MACROD2: variants seen among roughly 807,000 people sequenced by gnomAD.
MACROD2 encodes ADP-ribose glycohydrolase MACROD2.
Under a neutral mutation model 70.4 loss-of-function variants are expected in MACROD2, and 36 were observed. The ratio of observed to expected loss-of-function variants is 0.51; its 90% CI spans 0.39 to 0.68. The LOEUF (loss-of-function observed/expected upper bound fraction) is 0.68, where lower values mean the gene tolerates loss of function less well. MACROD2 is among the 30% of genes least tolerant of loss of function. MACROD2 has a pLI of 0.00. For missense variants in MACROD2, 496 were observed against 538.4 expected, an observed-to-expected ratio of 0.92 and a Z score of 0.78; for synonymous variants, 172 against 178.8, an observed-to-expected ratio of 0.96 and a Z score of 0.30.
chr20:14,491,854 G>A (rs2084798851), intron 3 of MACROD2, among the ~76,000 whole-genome samples: 1 of 152,170 alleles, frequency 6.6e-6, no homozygotes, highest in African/African-American at 2.4e-5. Context: ...TGGAGTCCCA[G>A]GGAACTGGAA....
intron 8 of MACROD2, among the ~76,000 whole-genome samples, chr20:15,532,017 C>CT (rs2047809968): frequency 6.6e-6 from 1 of 151,948 alleles, no homozygotes; most frequent in South Asian, 2.1e-4. Flanking sequence ...TACTGAATGC[C>CT]TTTTTTCTTT....
intron 9 of MACROD2, among the ~76,000 whole-genome samples, chr20:15,867,992 C>A (rs2064517782): frequency 6.6e-6 from 1 of 152,092 alleles, no homozygotes; most frequent in African/African-American, 2.4e-5. Flanking sequence ...TGATTAGAGG[C>A]CAGGGGTGCT....
chr20:15,834,716 A>G (rs2064093999), intron 8 of MACROD2, among the ~76,000 whole-genome samples: 1 of 152,176 alleles, frequency 6.6e-6, no homozygotes, highest in Non-Finnish European at 1.5e-5. Flanking sequence ...TGATTTAAAC[A>G]GTTTCATAGA....
At chr20:14,148,549 C>G (rs781620958) in intron 3 of MACROD2, among the ~76,000 whole-genome samples, 1 of 152,166 alleles carries the variant, frequency 6.6e-6, no homozygotes, top group Non-Finnish European at 1.5e-5. Context: ...TTTTGTCAGT[C>G]TTTTACAGTT....
At chr20:15,401,284 C>T (rs6043254) in intron 6 of MACROD2, among the ~76,000 whole-genome samples, 58,927 of 151,620 alleles carry the variant, frequency 0.39, 12,042 homozygotes, top group African/African-American at 0.49. Context: ...GTGATCCGCC[C>T]GCCTCGGCCT....
At chr20:15,203,251 A>G (rs2076672834) in intron 5 of MACROD2, among the ~76,000 whole-genome samples, 1 of 152,184 alleles carries the variant, frequency 6.6e-6, no homozygotes, top group Non-Finnish European at 1.5e-5. Flanking sequence ...TGAGACGGAC[A>G]AGACAAGAGA....
intron 6 of MACROD2, among the ~76,000 whole-genome samples, chr20:15,367,188 C>T (rs953951688): frequency 6.6e-5 from 10 of 151,694 alleles, no homozygotes; most frequent in African/African-American, 2.2e-4. Flanking sequence ...CCACCATGCC[C>T]GGCTAATTTT....
At chr20:14,254,738 A>G (rs531420595) in intron 3 of MACROD2, among the ~76,000 whole-genome samples, 1 of 152,314 alleles carries the variant, frequency 6.6e-6, no homozygotes, top group South Asian at 2.1e-4. Flanking sequence ...GGAATTAAAA[A>G]GAAGTGTAAG....
At chr20:15,932,895 G>C (rs2065600425) in intron 10 of MACROD2, among the ~76,000 whole-genome samples, 1 of 152,150 alleles carries the variant, frequency 6.6e-6, no homozygotes, top group Non-Finnish European at 1.5e-5. Context: ...GAGAAATAAA[G>C]GGCGAGAAAC....
At chr20:14,858,388 C>T (rs762488973) in intron 5 of MACROD2, among the ~76,000 whole-genome samples, 7 of 152,056 alleles carry the variant, frequency 4.6e-5, no homozygotes, top group Non-Finnish European at 8.8e-5. Context: ...CGAACAGCCA[C>T]TCAGAAGAGA....
At chr20:15,058,099 G>A (rs1187214474) in intron 5 of MACROD2, among the ~76,000 whole-genome samples, 2 of 152,068 alleles carry the variant, frequency 1.3e-5, no homozygotes, top group Non-Finnish European at 2.9e-5. Flanking sequence ...GCTATGGACC[G>A]GCTGCTCGAC....
Position 15,731,491 on chromosome 20 carries a change from G to C in MACROD2, c.646-131254G>C, listed in dbSNP as rs1311336169. Among the ~76,000 whole-genome samples, 2 of 57,622 alleles carry C rather than the reference G, an allele frequency of 3.5e-5. 1 individual carries two copies. The highest frequency in any genetic ancestry group is 9.7e-5 in the Non-Finnish European group (2 of 20,534). The allele number at this position is 57,622 out of a possible 152,430, so 37.8% of individuals were successfully genotyped here. ...TTCCTGGTCTGAGTGCTTTAACTCT[G>C]GGGGGCTGGTACCAGGTCCCCACAC... is the stretch of plus-strand genomic sequence containing the variant. On this transcript the variant is annotated intron_variant, in intron 8 of 17. Transcript: ENST00000684519.
At position 16,051,106 on chromosome 20, in the gene MACROD2, T is replaced by C. The variant is rs41276360; in HGVS notation, c.*1230T>C. The stretch of plus-strand genomic sequence containing the variant: ...TCACCAATATCTATCCTAGAGCCAG[T>C]ATAAGGCCAGATGCCTACTTCCCAC... On this transcript the variant is annotated 3_prime_UTR_variant, in exon 18 of 18. Transcript: ENST00000684519. The C allele has an allele frequency of 0.038, 5,763 of 152,258 alleles. 188 individuals are homozygous for C. Among genetic ancestry groups the C allele is most frequent in the South Asian group, 0.17 (800 of 4,812 alleles). The allele number at this position is 152,258 out of a possible 1,614,324, so 9.4% of individuals were successfully genotyped here. A position where few individuals can be genotyped will look rare whatever the true frequency, so the allele number is the denominator to read the frequency against.
chr20:15,574,928 C>G (rs2048424142), intron 8 of MACROD2, among the ~76,000 whole-genome samples: 1 of 152,142 alleles, frequency 6.6e-6, no homozygotes, highest in Admixed American at 6.6e-5. Flanking sequence ...TATTACTGAG[C>G]TCCAAGGTAT....
rs6042620 is a variant in MACROD2, at chr20:14,254,177, C to T, written c.271+168449C>T. Among the ~76,000 whole-genome samples, 7 of 151,914 alleles carry T rather than the reference C, an allele frequency of 4.6e-5. No homozygotes were observed. The East Asian group carries it at 1.2e-3, about 25-fold the overall frequency. Reference sequence around the variant, plus strand: ...TTTATTAGTGAATTATTATTCAGGCCTGAATTTTGTGGTATATTGAGGATT... The same window carrying T: ...TTTATTAGTGAATTATTATTCAGGCTTGAATTTTGTGGTATATTGAGGATT... On this transcript the variant is annotated intron_variant, in intron 3 of 17. Transcript: ENST00000684519.
At chr20:15,937,944 C>G (rs573034491) in intron 12 of MACROD2, among the ~76,000 whole-genome samples, 1 of 151,738 alleles carries the variant, frequency 6.6e-6, no homozygotes, top group Non-Finnish European at 1.5e-5. Context: ...AACCAGGGAG[C>G]ACCATTTTTC....
intron 15 of MACROD2, among the ~76,000 whole-genome samples, chr20:16,022,715 T>C (rs988475036): frequency 3.9e-5 from 6 of 152,218 alleles, no homozygotes; most frequent in Admixed American, 2.0e-4. Flanking sequence ...TCAGCCTCCA[T>C]GTCAGACATG....
intron 6 of MACROD2, among the ~76,000 whole-genome samples, chr20:15,269,282 A>G (rs1298665008): frequency 2.0e-5 from 3 of 152,328 alleles, no homozygotes; most frequent in African/African-American, 4.8e-5. Context: ...GGCCTGCCCA[A>G]CGTGGCTTGG....
intron 8 of MACROD2, among the ~76,000 whole-genome samples, chr20:15,751,849 G>T (rs2051275412): frequency 6.6e-6 from 1 of 150,924 alleles, no homozygotes; most frequent in Non-Finnish European, 1.5e-5. Context: ...GGTTGCAGCT[G>T]GTTTTTGTGT....
Sources: allele counts gnomAD v4.1 joint callset (sites outside exome capture counted in the v4.1 genomes callset), GRCh38; gene constraint gnomAD v4.1.1; transcripts MANE v1.5; gene names NCBI Gene and HGNC (gene_info 2026-07-23, HGNC 2026-07-21).